Variants in RNF187 observed in about 807,000 individuals in gnomAD.
RNF187 encodes the protein E3 ubiquitin-protein ligase RNF187.
RNF187 carries 18 observed loss-of-function variants against 22.2 expected under a neutral mutation model. The ratio of observed to expected loss-of-function variants is 0.81; its 90% CI spans 0.56 to 1.20. The LOEUF is 1.20. Among genes scored for constraint, RNF187 ranks in the 50% most tolerant of loss-of-function variants. The pLI is 0.00. For missense variants in RNF187, 329 were observed against 317.6 expected, an observed-to-expected ratio of 1.04 and a Z score of -0.27; for synonymous variants, 164 against 140.9, an observed-to-expected ratio of 1.16 and a Z score of -1.16.
Position 228,489,570 on chromosome 1 carries a change from T to A in RNF187, c.483+518T>A. On this transcript the variant is annotated intron_variant, in intron 2 of 3. Transcript: ENST00000305943. ...CCGCCTTGGCCTCCCAAAGTGCTAT[T>A]TTTTTTTTCTTTTTTAGAACACATC... 8.7e-3 allele frequency among the ~76,000 whole-genome samples: 1,330 copies of A among 152,232 alleles called. 11 individuals are homozygous for A. The highest frequency in any genetic ancestry group is 0.031 in the African/African-American group (1,275 of 41,546).
Position 228,494,152 on chromosome 1 carries a change from C to A in RNF187, c.*267C>A. 1 of 1,411,994 alleles carries A rather than the reference C, an allele frequency of 7.1e-7. No homozygotes were observed. Among genetic ancestry groups the A allele is most frequent in the Admixed American group, 2.9e-5 (1 of 34,802 alleles). The allele number at this position is 1,411,994 out of a possible 1,614,324, so 87.5% of individuals were successfully genotyped here. ...CCTGAAGTCCTAGCCACAGCCCATC[C>A]TCCATGAGTCCCGGCAGCTCTGGGT... On this transcript the variant is annotated 3_prime_UTR_variant, in exon 4 of 4. Coordinates refer to ENST00000305943, the MANE Select transcript of RNF187 (RefSeq NM_001010858.3).
intron 2 of RNF187, among the ~76,000 whole-genome samples, chr1:228,492,327 G>A: frequency 0.016 from 2,433 of 151,850 alleles, 76 homozygotes; most frequent in African/African-American, 0.056. Context: ...TGTGATTACA[G>A]GCATGAGGCA....
At chr1:228,492,618 CTTTTTT>C in intron 2 of RNF187, among the ~76,000 whole-genome samples, 4 of 62,110 alleles carry the variant, frequency 6.4e-5, no homozygotes, top group African/African-American at 8.1e-5. Context: ...CCGTGCCTGG[CTTTTTT>C]TTTTTTTTTT....
chr1:228,492,094 A>C, intron 2 of RNF187, among the ~76,000 whole-genome samples: 1 of 152,158 alleles, frequency 6.6e-6, no homozygotes, highest in Non-Finnish European at 1.5e-5. Flanking sequence ...CTGTTGGCCC[A>C]GGCTGGAGTG....
intron 2 of RNF187, among the ~76,000 whole-genome samples, chr1:228,492,424 C>T: frequency 2.0e-5 from 3 of 150,694 alleles, no homozygotes; most frequent in East Asian, 2.0e-4. Flanking sequence ...CAGGTTCAAG[C>T]GATTCTCCTG....
At position 228,495,828 on chromosome 1, in the gene RNF187, T is replaced by A; in HGVS notation, c.*1943T>A. The A allele has an allele frequency of 1.2e-6, 1 of 855,932 alleles. No homozygotes were observed. The highest frequency in any genetic ancestry group is 1.8e-5 in the African/African-American group (1 of 54,382). 53.0% of individuals were successfully genotyped at this position (855,932 alleles called of 1,614,324 possible). On this transcript the variant is annotated 3_prime_UTR_variant, in exon 4 of 4. Coordinates refer to ENST00000305943, the MANE Select transcript of RNF187 (RefSeq NM_001010858.3). Reference sequence around the variant, plus strand: ...GATTAATGTATCCATCTCATGTTTTTTTTGGTGGTGAGAATATTTGAAATC... The same window carrying A: ...GATTAATGTATCCATCTCATGTTTTATTTGGTGGTGAGAATATTTGAAATC...
intron 1 of RNF187, 52 bp from the exon 2 acceptor site, chr1:228,488,908 T>A: frequency 6.9e-7 from 1 of 1,441,004 alleles, no homozygotes; most frequent in South Asian, 1.2e-5. Flanking sequence ...CTGGGCTGGG[T>A]TGGGGGACCC....
rs1442752059 is a variant in RNF187, at chr1:228,487,879, G to A, written c.390+1G>A. 4.9e-6 allele frequency: 6 copies of A among 1,218,314 alleles called. No individual in the cohort carries two copies. In the Admixed American group the frequency reaches 2.3e-4, roughly 46 times the overall value. 75.5% of individuals were successfully genotyped at this position (1,218,314 alleles called of 1,614,324 possible). A position where few individuals can be genotyped will look rare whatever the true frequency, so the allele number is the denominator to read the frequency against. On this transcript the variant is annotated splice_donor_variant, in intron 1 of 3. Coordinates refer to ENST00000305943, the MANE Select transcript of RNF187 (RefSeq NM_001010858.3). LOFTEE classifies it high-confidence loss of function. ...CTGGAGGAAGGCGCTGCGCGGCAAG[G>A]TGCGCGCCGCGGGGTCCCGTGCCCC...
chr1:228,495,886 C>A lies in RNF187; in HGVS notation c.*2001C>A. 2.0e-6 allele frequency: 1 copy of A among 494,854 alleles called. No homozygotes were observed. The highest frequency in any genetic ancestry group is 2.6e-6 in the Non-Finnish European group (1 of 382,138). The allele number at this position is 494,854 out of a possible 1,614,324, so 30.7% of individuals were successfully genotyped here. On this transcript the variant is annotated 3_prime_UTR_variant, in exon 4 of 4. Coordinates refer to ENST00000305943, the MANE Select transcript of RNF187 (RefSeq NM_001010858.3). ...AGCAATTTCAAATACAGTCATCCCT[C>A]TGTGCCTAAGGGGGATTGGTTCCAG...
In RNF187 at chr1:228,487,631, CGTGCCCCGA is replaced by C. The variant is rs1174136548; in HGVS notation, c.148_156del (p.Pro50_Cys52del). The C allele has an allele frequency of 8.3e-7, 1 of 1,207,856 alleles. No homozygotes were observed. Among genetic ancestry groups the C allele is most frequent in the Non-Finnish European group, 1.0e-6 (1 of 958,926 alleles). 74.8% of individuals were successfully genotyped at this position (1,207,856 alleles called of 1,614,324 possible). A position where few individuals can be genotyped will look rare whatever the true frequency, so the allele number is the denominator to read the frequency against. On this transcript the variant is annotated inframe_deletion, in exon 1 of 4. Coordinates refer to ENST00000305943, the MANE Select transcript of RNF187 (RefSeq NM_001010858.3). The stretch of plus-strand genomic sequence containing the variant: ...TGGGCCGAGGAGGACGGGCCCTTCC[CGTGCCCCGA>C]GTGCGCCGACGACTGCTGGCAGCGC...
In RNF187 at chr1:228,487,427, G is replaced by A; in HGVS notation, c.-62G>A. ...GCTGGTCTCCGTCCGGTCGCCGGCC[G>A]TCTAGGTCTCCGGCCCTCCCCAGCC... is the stretch of plus-strand genomic sequence containing the variant. On this transcript the variant is annotated 5_prime_UTR_variant, in exon 1 of 4. Coordinates refer to ENST00000305943, the MANE Select transcript of RNF187 (RefSeq NM_001010858.3). 9.2e-7 allele frequency: 1 copy of A among 1,085,856 alleles called. No homozygotes were observed. Among genetic ancestry groups the A allele is most frequent in the Non-Finnish European group, 1.1e-6 (1 of 896,132 alleles). The allele number at this position is 1,085,856 out of a possible 1,614,324, so 67.3% of individuals were successfully genotyped here. A position where few individuals can be genotyped will look rare whatever the true frequency, so the allele number is the denominator to read the frequency against.
Position 228,493,118 on chromosome 1 carries a change from G to C in RNF187, c.549G>C (p.Val183=). The change falls in exon 3 of 4, where the codon GTG becomes GTC. Residue 183 remains valine, a synonymous_variant. Coordinates refer to ENST00000305943, the MANE Select transcript of RNF187 (RefSeq NM_001010858.3). The surrounding 1 kb of genome is among the most constrained non-coding windows in gnomAD (Gnocchi z 4.7). ...ACAAGAAGCTGCGGGCCTTCTTTGT[G>C]GAGGAGGAGGAGCATTTCCTGCAGG... 1.3e-6 allele frequency: 2 copies of C among 1,551,660 alleles called. No individual in the cohort carries two copies. The highest frequency in any genetic ancestry group is 1.7e-6 in the Non-Finnish European group (2 of 1,146,942).
At chr1:228,490,579 T>A in intron 2 of RNF187, among the ~76,000 whole-genome samples, 1 of 152,226 alleles carries the variant, frequency 6.6e-6, no homozygotes, top group Non-Finnish European at 1.5e-5. Context: ...GGAAGGAGTT[T>A]GCAGCGTGTT....
intron 2 of RNF187, among the ~76,000 whole-genome samples, chr1:228,491,331 T>C: frequency 7.9e-6 from 1 of 126,460 alleles, no homozygotes; most frequent in Non-Finnish European, 1.5e-5. Context: ...GAGGCTGCAG[T>C]GAACTGTGAT....
Position 228,495,585 on chromosome 1 carries a change from C to T in RNF187, c.*1700C>T. The T allele has an allele frequency of 6.1e-6, 6 of 985,378 alleles. No homozygotes were observed. The South Asian group carries it at 2.3e-4, about 39-fold the overall frequency. The allele number at this position is 985,378 out of a possible 1,614,324, so 61.0% of individuals were successfully genotyped here. A position where few individuals can be genotyped will look rare whatever the true frequency, so the allele number is the denominator to read the frequency against. ...AGCATCCCTGCCCCTGCCCTGCACA[C>T]CTGTGATGCTTGCCCGGACAGGTCC... On this transcript the variant is annotated 3_prime_UTR_variant, in exon 4 of 4. Coordinates refer to ENST00000305943, the MANE Select transcript of RNF187 (RefSeq NM_001010858.3).
Position 228,495,056 on chromosome 1 carries a change from C to T in RNF187, c.*1171C>T. 1 of 983,204 alleles carries T rather than the reference C, an allele frequency of 1.0e-6. No homozygotes were observed. The highest frequency in any genetic ancestry group is 1.2e-6 in the Non-Finnish European group (1 of 827,866). 60.9% of individuals were successfully genotyped at this position (983,204 alleles called of 1,614,324 possible). ...AGTGTCAAAGGAAACTTCCTCGTGA[C>T]ACGTGCTAAAGCATGGTGAGGAGGA... On this transcript the variant is annotated 3_prime_UTR_variant, in exon 4 of 4. Transcript: ENST00000305943.
In RNF187 at chr1:228,495,415, A is replaced by T; in HGVS notation, c.*1530A>T. The T allele has an allele frequency of 2.1e-6, 2 of 932,860 alleles. No homozygotes were observed. Among genetic ancestry groups the T allele is most frequent in the Non-Finnish European group, 1.3e-6 (1 of 782,164 alleles). The allele number at this position is 932,860 out of a possible 1,614,324, so 57.8% of individuals were successfully genotyped here. On this transcript the variant is annotated 3_prime_UTR_variant, in exon 4 of 4. Transcript: ENST00000305943. Reference sequence around the variant, plus strand: ...CTGGATTTCATAAGAAAGGGCAAAGAGGGCCCTAGGAGAAGATTCCAGAGC... The same window carrying T: ...CTGGATTTCATAAGAAAGGGCAAAGTGGGCCCTAGGAGAAGATTCCAGAGC...
chr1:228,493,114 T>C lies in RNF187; in HGVS notation c.545T>C (p.Phe182Ser). 6.4e-7 allele frequency: 1 copy of C among 1,551,530 alleles called. No homozygotes were observed. Among genetic ancestry groups the C allele is most frequent in the Non-Finnish European group, 8.7e-7 (1 of 1,146,930 alleles). ...GACTACAAGAAGCTGCGGGCCTTCT[T>C]TGTGGAGGAGGAGGAGCATTTCCTG... The change falls in exon 3 of 4, where the codon TTT becomes TCT. Residue 182 changes from phenylalanine to serine, a missense_variant. Phe to Ser is a radical substitution (Grantham distance 155). Transcript: ENST00000305943. The surrounding 1 kb of genome is among the most constrained non-coding windows in gnomAD (Gnocchi z 4.7).
chr1:228,494,657 T>C lies in RNF187; in HGVS notation c.*772T>C. 1.0e-6 allele frequency: 1 copy of C among 985,716 alleles called. No individual in the cohort carries two copies. The highest frequency in any genetic ancestry group is 1.2e-6 in the Non-Finnish European group (1 of 830,126). The allele number at this position is 985,716 out of a possible 1,614,324, so 61.1% of individuals were successfully genotyped here. On this transcript the variant is annotated 3_prime_UTR_variant, in exon 4 of 4. Coordinates refer to ENST00000305943, the MANE Select transcript of RNF187 (RefSeq NM_001010858.3). ...GTCTCATCTTGCTGTTATCTCTAGCTCTTTCCCTCCTCCCATTTCCTTTAG... is the reference window on the plus strand; with the variant it reads ...GTCTCATCTTGCTGTTATCTCTAGCCCTTTCCCTCCTCCCATTTCCTTTAG...
Sources: gnomAD v4.1 joint callset for allele counts (sites outside exome capture counted in the v4.1 genomes callset) on GRCh38, gnomAD v4.1.1 for gene constraint, Gnocchi (gnomAD v3.1) non-coding constraint, MANE v1.5 for transcripts, NCBI Gene and HGNC (gene_info 2026-07-23, HGNC 2026-07-21) for gene names.